The following TMEM184B variants were observed in gnomAD, a reference collection of about 807,000 sequenced individuals.
TMEM184B encodes the protein transmembrane protein 184B.
In TMEM184B, 17 loss-of-function variants were observed where a neutral mutation model predicts 41.8. The observed-to-expected ratio is 0.41, with a 90% CI of 0.28 to 0.61. The LOEUF (loss-of-function observed/expected upper bound fraction) is 0.61. Among genes scored for constraint, TMEM184B ranks in the 20% least tolerant of loss-of-function variants. The pLI is 0.34. For missense variants in TMEM184B, 393 were observed against 557.8 expected (o/e 0.70, Z 2.98); for synonymous variants, 240 against 229.5 (o/e 1.05, Z -0.41).
intron 1 of TMEM184B, among the ~76,000 whole-genome samples, chr22:38,266,156 C>T (rs1387730472): frequency 6.6e-6 from 1 of 152,220 alleles, no homozygotes; most frequent in African/African-American, 2.4e-5. Flanking sequence ...GCCCATGACC[C>T]GCAGGTAAAG....
Position 38,225,100 on chromosome 22 carries a change from G to A in TMEM184B, c.788-121C>T. On this transcript the variant is annotated intron_variant, in intron 7 of 8. Coordinates refer to ENST00000361906, the MANE Select transcript of TMEM184B (RefSeq NM_012264.5). The surrounding 1 kb of genome is among the most constrained non-coding windows in gnomAD (Gnocchi z 4.4). Reference sequence around the variant, plus strand: ...TGAGGATGTGAGCAGGGCCACAGCTGCTCCTGCAGGGCAGGGGTAGCGACA... The same window carrying A: ...TGAGGATGTGAGCAGGGCCACAGCTACTCCTGCAGGGCAGGGGTAGCGACA... 1 of 1,160,678 alleles carries A rather than the reference G, an allele frequency of 8.6e-7. No homozygotes were observed. Among genetic ancestry groups the A allele is most frequent in the South Asian group, 1.6e-5 (1 of 61,716 alleles). 71.9% of individuals were successfully genotyped at this position (1,160,678 alleles called of 1,614,324 possible).
chr22:38,227,893 A>G (rs1163649434), intron 5 of TMEM184B, among the ~76,000 whole-genome samples: 4 of 152,226 alleles, frequency 2.6e-5, no homozygotes, highest in Non-Finnish European at 5.9e-5. Context: ...CATGGTGCCC[A>G]TAACATCACT....
At chr22:38,246,887 T>A (rs2092043715) in intron 2 of TMEM184B, 1 of 1,301,778 alleles carries the variant, frequency 7.7e-7, no homozygotes, top group Admixed American at 2.3e-5. Flanking sequence ...AGCCCTGGGC[T>A]GGGGAGGAAA....
intron 3 of TMEM184B, chr22:38,232,004 G>A (rs763368316): frequency 6.3e-6 from 1 of 159,066 alleles, no homozygotes; most frequent in Non-Finnish European, 1.4e-5. Context: ...CATCTCTAAT[G>A]TATTTATAAA....
intron 1 of TMEM184B, among the ~76,000 whole-genome samples, chr22:38,271,008 T>C (rs1358146647): frequency 6.6e-6 from 1 of 152,216 alleles, no homozygotes; most frequent in Non-Finnish European, 1.5e-5. Context: ...GAAGCTCTTC[T>C]TTCTACTTGG....
intron 3 of TMEM184B, among the ~76,000 whole-genome samples, chr22:38,242,081 TA>T (rs1602423918): frequency 6.6e-6 from 1 of 151,918 alleles, no homozygotes; most frequent in South Asian, 2.1e-4. Flanking sequence ...AGTGAGGAGT[TA>T]GGGGAGTTTC....
At chr22:38,236,054 G>C (rs2091765688) in intron 3 of TMEM184B, among the ~76,000 whole-genome samples, 1 of 152,250 alleles carries the variant, frequency 6.6e-6, no homozygotes, top group Admixed American at 6.5e-5. Context: ...GCCAAGTCCA[G>C]AGGGCAGCAA....
Position 38,219,611 on chromosome 22 carries a change from G to A in TMEM184B, c.*1858C>T. 2 of 984,818 alleles carry A rather than the reference G, an allele frequency of 2.0e-6. No individual in the cohort carries two copies. The highest frequency in any genetic ancestry group is 1.7e-5 in the African/African-American group (1 of 57,172). 61.0% of individuals were successfully genotyped at this position (984,818 alleles called of 1,614,324 possible). A position where few individuals can be genotyped will look rare whatever the true frequency, so the allele number is the denominator to read the frequency against. On this transcript the variant is annotated 3_prime_UTR_variant, in exon 9 of 9. Coordinates refer to ENST00000361906, the MANE Select transcript of TMEM184B (RefSeq NM_012264.5). ...GTCGGGCACATGTTCCCGTCCCCAC[G>A]ACCCCACGGACCGCTGATTCCCTGC...
intron 3 of TMEM184B, among the ~76,000 whole-genome samples, chr22:38,234,457 C>A (rs554121383): frequency 1.3e-5 from 2 of 152,324 alleles, no homozygotes; most frequent in East Asian, 3.9e-4. Flanking sequence ...GGAGCAGGGA[C>A]AAACTATCTC....
chr22:38,238,382 C>T (rs2267381), intron 3 of TMEM184B, among the ~76,000 whole-genome samples: 85,603 of 151,702 alleles, frequency 0.56, 25,534 homozygotes, highest in African/African-American at 0.77. Context: ...TGCACGACCA[C>T]GCCCAGCTAA....
intron 1 of TMEM184B, among the ~76,000 whole-genome samples, chr22:38,266,117 T>G (rs953560301): frequency 1.3e-5 from 2 of 152,118 alleles, no homozygotes; most frequent in Non-Finnish European, 2.9e-5. Flanking sequence ...CTGCACCCCC[T>G]CTGTTGGGGA....
chr22:38,264,492 T>C (rs1344440204), intron 1 of TMEM184B, among the ~76,000 whole-genome samples: 1 of 152,168 alleles, frequency 6.6e-6, no homozygotes, highest in Non-Finnish European at 1.5e-5. Context: ...TCTTGCCACA[T>C]ACCCTGCACA....
rs2091428896 is a variant in TMEM184B at position 38,226,078 on chromosome 22, T to A, written c.618-485A>T. ...GCACAGGGCTAGACACATGGTCACT[T>A]TTTTTTTTTTTTTTTTTAGATATGG... is the stretch of plus-strand genomic sequence containing the variant. On this transcript the variant is annotated intron_variant, in intron 6 of 8. Coordinates refer to ENST00000361906, the MANE Select transcript of TMEM184B (RefSeq NM_012264.5). The surrounding 1 kb of genome is among the most constrained non-coding windows in gnomAD (Gnocchi z 4.6). 2.1e-5 allele frequency among the ~76,000 whole-genome samples: 3 copies of A among 144,072 alleles called. No homozygotes were observed. Among genetic ancestry groups the A allele is most frequent in the East Asian group, 4.0e-4 (2 of 5,018 alleles). 94.5% of individuals were successfully genotyped at this position (144,072 alleles called of 152,430 possible).
intron 1 of TMEM184B, among the ~76,000 whole-genome samples, chr22:38,252,283 G>C (rs1374476028): frequency 2.0e-5 from 3 of 152,020 alleles, no homozygotes; most frequent in Non-Finnish European, 2.9e-5. Context: ...CTGGTCTCGA[G>C]CTCCTGGGCT....
At chr22:38,265,426 A>G (rs1038323765) in intron 1 of TMEM184B, among the ~76,000 whole-genome samples, 1 of 152,142 alleles carries the variant, frequency 6.6e-6, no homozygotes, top group African/African-American at 2.4e-5. Context: ...TGTGGCTGCA[A>G]GCTCTCCAAG....
rs557946558 is a variant in TMEM184B at position 38,273,000 on chromosome 22, C to A, written c.-175G>T. 37 of 182,104 alleles carry A rather than the reference C, an allele frequency of 2.0e-4. No individual in the cohort carries two copies. The highest frequency in any genetic ancestry group is 6.4e-4 in the African/African-American group (27 of 41,974). 11.3% of individuals were successfully genotyped at this position (182,104 alleles called of 1,614,324 possible). On this transcript the variant is annotated 5_prime_UTR_variant, in exon 1 of 9. Transcript: ENST00000361906. ...TCCGCCGCCGCCGGCGCGTCCCGGG[C>A]CCAGTGGAGTGCAGCCGCGGCGCGC...
chr22:38,270,516 G>A (rs2092506879), intron 1 of TMEM184B, among the ~76,000 whole-genome samples: 1 of 152,210 alleles, frequency 6.6e-6, no homozygotes, highest in Admixed American at 6.5e-5. Context: ...GCACTGTCTT[G>A]CACATATTTG....
chr22:38,229,510 A>G (rs528603988), intron 5 of TMEM184B, among the ~76,000 whole-genome samples: 16 of 152,372 alleles, frequency 1.1e-4, no homozygotes, highest in Non-Finnish European at 1.6e-4. Flanking sequence ...TCAGGCTCAG[A>G]TGGTCAGACA....
At chr22:38,256,979 T>G (rs2092290890) in intron 1 of TMEM184B, among the ~76,000 whole-genome samples, 1 of 144,944 alleles carries the variant, frequency 6.9e-6, no homozygotes, top group African/African-American at 2.6e-5. Context: ...CATTAATAGT[T>G]TTTTTTTTTT....
Sources: allele counts gnomAD v4.1 joint callset (sites outside exome capture counted in the v4.1 genomes callset), GRCh38; gene constraint gnomAD v4.1.1; non-coding constraint Gnocchi (gnomAD v3.1); transcripts MANE v1.5; gene names NCBI Gene and HGNC (gene_info 2026-07-23, HGNC 2026-07-21).